LYPD6: variants seen among roughly 807,000 people sequenced by gnomAD.
LYPD6 encodes the protein ly6/PLAUR domain-containing protein 6.
A neutral mutation model predicts 22.7 loss-of-function variants in LYPD6; 15 were observed. The observed-to-expected ratio is 0.66, with a 90% CI of 0.44 to 1.02. The LOEUF is 1.02. LYPD6 is among the 50% of genes least tolerant of loss of function. The pLI is 0.00. For missense variants in LYPD6, 189 were observed against 208.4 expected, an observed-to-expected ratio of 0.91 and a Z score of 0.57; for synonymous variants, 72 against 77.5, an observed-to-expected ratio of 0.93 and a Z score of 0.37.
At chr2:149,391,953 A>G (rs1167630326) in intron 1 of LYPD6, among the ~76,000 whole-genome samples, 2 of 152,194 alleles carry the variant, frequency 1.3e-5, no homozygotes, top group East Asian at 1.9e-4. Context: ...CCATAACGAA[A>G]TACCACAGAC....
intron 1 of LYPD6, among the ~76,000 whole-genome samples, chr2:149,406,360 G>A (rs1682708087): frequency 6.6e-6 from 1 of 151,636 alleles, no homozygotes; most frequent in Non-Finnish European, 1.5e-5. Context: ...ATTATTGTGT[G>A]GGAGTCTAAG....
intron 1 of LYPD6, among the ~76,000 whole-genome samples, chr2:149,432,140 CA>C (rs1382293475): frequency 6.6e-6 from 1 of 152,046 alleles, no homozygotes; most frequent in African/African-American, 2.4e-5. Flanking sequence ...GAAATTGAAA[CA>C]CATATATTGC....
At chr2:149,344,677 G>A (rs1326962668) in intron 1 of LYPD6, among the ~76,000 whole-genome samples, 1 of 152,062 alleles carries the variant, frequency 6.6e-6, no homozygotes, top group Non-Finnish European at 1.5e-5. Flanking sequence ...TTTTTTATTT[G>A]GCTTCTGCAC....
At chr2:149,401,119 G>C (rs1490775069) in intron 1 of LYPD6, among the ~76,000 whole-genome samples, 2 of 152,172 alleles carry the variant, frequency 1.3e-5, no homozygotes, top group African/African-American at 4.8e-5. Flanking sequence ...ACATCTCATT[G>C]ATCAGGAATG....
intron 1 of LYPD6, among the ~76,000 whole-genome samples, chr2:149,376,836 T>G (rs1681933207): frequency 6.6e-6 from 1 of 152,206 alleles, no homozygotes; most frequent in Middle Eastern, 3.2e-3. Context: ...TGTTCCCTAA[T>G]TTGGAATCTG....
chr2:149,445,497 T>A (rs1683667408), intron 2 of LYPD6, among the ~76,000 whole-genome samples: 1 of 152,182 alleles, frequency 6.6e-6, no homozygotes, highest in African/African-American at 2.4e-5. Context: ...CTGTTTAGTG[T>A]CATCATCTTC....
At chr2:149,348,259 C>T (rs1468141101) in intron 1 of LYPD6, among the ~76,000 whole-genome samples, 2 of 152,048 alleles carry the variant, frequency 1.3e-5, no homozygotes, top group Admixed American at 6.5e-5. Flanking sequence ...ACAAAAAATT[C>T]CTGTCCTGGT....
intron 4 of LYPD6, among the ~76,000 whole-genome samples, chr2:149,469,324 A>G (rs1681279354): frequency 6.6e-6 from 1 of 152,140 alleles, no homozygotes. Context: ...CATGGTGCCT[A>G]TGTACAGAAG....
intron 1 of LYPD6, among the ~76,000 whole-genome samples, chr2:149,406,818 T>G (rs1316745146): frequency 6.6e-6 from 1 of 152,212 alleles, no homozygotes; most frequent in Non-Finnish European, 1.5e-5. Flanking sequence ...ATGCAGTTTC[T>G]TCCTAGCCTC....
intron 3 of LYPD6, among the ~76,000 whole-genome samples, chr2:149,451,053 C>T (rs966111280): frequency 6.6e-6 from 1 of 152,164 alleles, no homozygotes; most frequent in Non-Finnish European, 1.5e-5. Flanking sequence ...GTGATGCTGT[C>T]ATAAAATACC....
chr2:149,461,122 AAAT>A (rs1336241151), intron 3 of LYPD6, among the ~76,000 whole-genome samples: 1 of 152,028 alleles, frequency 6.6e-6, no homozygotes, highest in Admixed American at 6.6e-5. Flanking sequence ...AAAAATCAGG[AAAT>A]AATAATGATA....
At chr2:149,442,227 C>A (rs1173675664) in intron 2 of LYPD6, among the ~76,000 whole-genome samples, 1 of 152,112 alleles carries the variant, frequency 6.6e-6, no homozygotes, top group African/African-American at 2.4e-5. Flanking sequence ...CATTACACAT[C>A]AGCATACCTT....
chr2:149,477,245 A>T (rs971294998), downstream of LYPD6, among the ~76,000 whole-genome samples: 1 of 152,166 alleles, frequency 6.6e-6, no homozygotes, highest in African/African-American at 2.4e-5. Flanking sequence ...ATTCTCCTTG[A>T]TGCAAGACAG....
chr2:149,438,202 G>C (rs1683479372), intron 2 of LYPD6, among the ~76,000 whole-genome samples: 1 of 152,184 alleles, frequency 6.6e-6, no homozygotes, highest in Non-Finnish European at 1.5e-5. Flanking sequence ...CTTCCTCTCT[G>C]TGCATCTAAT....
At chr2:149,441,751 G>A (rs1185062828) in intron 2 of LYPD6, among the ~76,000 whole-genome samples, 1 of 152,188 alleles carries the variant, frequency 6.6e-6, no homozygotes, top group Non-Finnish European at 1.5e-5. Flanking sequence ...GAGAAATAGA[G>A]CTGCTTATTT....
At chr2:149,428,916 G>A (rs1226216884) in intron 1 of LYPD6, among the ~76,000 whole-genome samples, 1 of 152,150 alleles carries the variant, frequency 6.6e-6, no homozygotes, top group Non-Finnish European at 1.5e-5. Context: ...CTGTCTTCTG[G>A]TATTTGCAGA....
intron 1 of LYPD6, among the ~76,000 whole-genome samples, chr2:149,333,056 A>G (rs529399525): frequency 9.9e-5 from 15 of 152,218 alleles, no homozygotes; most frequent in Non-Finnish European, 1.3e-4. Context: ...ACGATTAACA[A>G]TAGAAATAAT....
chr2:149,406,132 C>G (rs1429668432), intron 1 of LYPD6, among the ~76,000 whole-genome samples: 3 of 149,750 alleles, frequency 2.0e-5, no homozygotes, highest in African/African-American at 7.3e-5. Context: ...TTTACATTTG[C>G]TGAGGAGAGC....
intron 1 of LYPD6, among the ~76,000 whole-genome samples, chr2:149,368,891 C>T (rs901541637): frequency 1.3e-5 from 2 of 152,112 alleles, no homozygotes; most frequent in Non-Finnish European, 2.9e-5. Flanking sequence ...ACTTTAGTGA[C>T]TGGGTAGATG....
Sources: allele counts gnomAD v4.1 joint callset (sites outside exome capture counted in the v4.1 genomes callset), GRCh38; gene constraint gnomAD v4.1.1; transcripts MANE v1.5; gene names NCBI Gene and HGNC (gene_info 2026-07-23, HGNC 2026-07-21).